The following SRRM4 variants were observed in gnomAD, a reference collection of about 807,000 sequenced individuals.
SRRM4 encodes serine/arginine repetitive matrix 4, also known as serine/arginine repetitive matrix protein 4.
A neutral mutation model predicts 68.9 loss-of-function variants in SRRM4; 33 were observed. The observed-to-expected ratio is 0.48, with a 90% CI of 0.36 to 0.64. The LOEUF is 0.64. SRRM4 is among the 30% of genes least tolerant of loss of function. SRRM4 has a pLI of 0.00. For missense variants in SRRM4, 817 were observed against 827.1 expected (o/e 0.99, Z 0.15); for synonymous variants, 318 against 318.8 (o/e 1.00, Z 0.03).
At chr12:119,077,853 G>A (rs1953925637) in intron 1 of SRRM4, among the ~76,000 whole-genome samples, 1 of 152,106 alleles carries the variant, frequency 6.6e-6, no homozygotes, top group African/African-American at 2.4e-5. Flanking sequence ...CAGACAATAA[G>A]AGTGATTTTA....
chr12:119,049,596 G>A (rs1953728485), intron 1 of SRRM4, among the ~76,000 whole-genome samples: 1 of 152,180 alleles, frequency 6.6e-6, no homozygotes, highest in Admixed American at 6.5e-5. Flanking sequence ...ATGAGATAAT[G>A]CATGTGGAGC....
Position 119,076,877 on chromosome 12 carries a change from G to C in SRRM4, c.132-25359G>C, listed in dbSNP as rs115276683. Among the ~76,000 whole-genome samples, 718 of 152,300 alleles carry C rather than the reference G, an allele frequency of 4.7e-3. 1 individual carries two copies. Among genetic ancestry groups the C allele is most frequent in the African/African-American group, 0.015 (624 of 41,576 alleles). On this transcript the variant is annotated intron_variant, in intron 1 of 12. Transcript: ENST00000267260. ...ATAACTTGTAGGAGGTGGGGGTTAGGAAAGAATTAAGAATTTTTAAAAACT... is the reference window on the plus strand; with the variant it reads ...ATAACTTGTAGGAGGTGGGGGTTAGCAAAGAATTAAGAATTTTTAAAAACT...
At chr12:119,067,887 A>G (rs1730341419) in intron 1 of SRRM4, among the ~76,000 whole-genome samples, 1 of 152,184 alleles carries the variant, frequency 6.6e-6, no homozygotes, top group South Asian at 2.1e-4. Context: ...AGTAAATTAG[A>G]TAATGCACAT....
At position 119,151,112 on chromosome 12, in the gene SRRM4, G is replaced by A. The variant is rs200067083; in HGVS notation, c.1172G>A (p.Arg391His). The change falls in exon 10 of 13, where the codon CGC becomes CAC. Residue 391 changes from arginine (R) to histidine (H), a missense_variant. Arg to His is a conservative substitution (Grantham distance 29). Transcript: ENST00000267260. ...ARSSPMKGCS[R>H]SSSYASTRSS... ...AGCTCACCCATGAAAGGGTGTTCCC[G>A]CAGCTCCTCCTATGCCAGCACCCGA... 2.9e-4 allele frequency: 465 copies of A among 1,613,948 alleles called. No individual in the cohort carries two copies. The highest frequency in any genetic ancestry group is 3.2e-4 in the Non-Finnish European group (377 of 1,179,874).
chr12:119,070,803 C>T (rs1953873503), intron 1 of SRRM4, among the ~76,000 whole-genome samples: 2 of 152,196 alleles, frequency 1.3e-5, no homozygotes, highest in Admixed American at 1.3e-4. Context: ...CTGACTGGGC[C>T]ATGCTTCCCT....
chr12:119,027,367 C>A lies in SRRM4; in HGVS notation c.131+45354C>A, dbSNP rs187158588. On this transcript the variant is annotated intron_variant, in intron 1 of 12. Coordinates refer to ENST00000267260, the MANE Select transcript of SRRM4 (RefSeq NM_194286.4). ...TTAAAGTCACAGAATGGGTAGGTGGCAGCGGAGGGACAAAATCCTAGTCTT... is the reference window on the plus strand; with the variant it reads ...TTAAAGTCACAGAATGGGTAGGTGGAAGCGGAGGGACAAAATCCTAGTCTT... Among the ~76,000 whole-genome samples the A allele has an allele frequency of 3.9e-5, 6 of 152,310 alleles. No homozygotes were observed. The East Asian group carries it at 1.2e-3, about 29-fold the overall frequency.
rs1386354862 is a variant in SRRM4 at position 119,159,165 on chromosome 12, A to C, written c.*2367A>C. The C allele has an allele frequency of 3.9e-5, 6 of 152,206 alleles. No homozygotes were observed. The highest frequency in any genetic ancestry group is 7.3e-5 in the Non-Finnish European group (5 of 68,114). 9.4% of individuals were successfully genotyped at this position (152,206 alleles called of 1,614,324 possible). A position where few individuals can be genotyped will look rare whatever the true frequency, so the allele number is the denominator to read the frequency against. On this transcript the variant is annotated 3_prime_UTR_variant, in exon 13 of 13. Transcript: ENST00000267260. ...TGGAACACCCTGGGGTTGGCCCAGA[A>C]GGAGGCACATCAGTCCCAAAATTCA...
chr12:119,073,309 C>CAT (rs764305297), intron 1 of SRRM4, among the ~76,000 whole-genome samples: 4 of 71,310 alleles, frequency 5.6e-5, no homozygotes, highest in African/African-American at 1.9e-4. Flanking sequence ...CTCTCTCTCT[C>CAT]CTCTTTTTTT....
intron 3 of SRRM4, among the ~76,000 whole-genome samples, chr12:119,114,623 G>T (rs1954165912): frequency 6.6e-6 from 1 of 151,364 alleles, no homozygotes; most frequent in African/African-American, 2.4e-5. Context: ...CACAGTACCT[G>T]GCACATGGTA....
At chr12:119,095,502 C>A (rs1954038103) in intron 1 of SRRM4, among the ~76,000 whole-genome samples, 1 of 152,134 alleles carries the variant, frequency 6.6e-6, no homozygotes, top group African/African-American at 2.4e-5. Flanking sequence ...AGGAGGTTCA[C>A]CATGCTGCTG....
chr12:119,134,005 G>A (rs911500945), intron 8 of SRRM4, among the ~76,000 whole-genome samples: 7 of 152,100 alleles, frequency 4.6e-5, no homozygotes, highest in Non-Finnish European at 1.0e-4. Flanking sequence ...AGCCAATGAA[G>A]GGGGAAAATA....
chr12:119,160,520 A>G lies in SRRM4; in HGVS notation c.*3722A>G, dbSNP rs949307656. 6.6e-6 allele frequency: 1 copy of G among 152,154 alleles called. No homozygotes were observed. The highest frequency in any genetic ancestry group is 2.4e-5 in the African/African-American group (1 of 41,442). 9.4% of individuals were successfully genotyped at this position (152,154 alleles called of 1,614,324 possible). A position where few individuals can be genotyped will look rare whatever the true frequency, so the allele number is the denominator to read the frequency against. ...AGGATGCTGCTCGTCGTGAGGATTT[A>G]TCTCAAAAACCAACATCCAAAATGG... On this transcript the variant is annotated 3_prime_UTR_variant, in exon 13 of 13. Transcript: ENST00000267260.
chr12:119,094,097 A>T (rs1163399069), intron 1 of SRRM4, among the ~76,000 whole-genome samples: 2 of 152,168 alleles, frequency 1.3e-5, no homozygotes, highest in Non-Finnish European at 2.9e-5. Flanking sequence ...TTATTGATAT[A>T]TAAGAGTGTT....
chr12:119,157,214 G>C lies in SRRM4; in HGVS notation c.*416G>C, dbSNP rs1954479995. The C allele has an allele frequency of 1.1e-5, 2 of 178,774 alleles. No individual in the cohort carries two copies. The highest frequency in any genetic ancestry group is 5.4e-5 in the Admixed American group (1 of 18,372). The allele number at this position is 178,774 out of a possible 1,614,324, so 11.1% of individuals were successfully genotyped here. A position where few individuals can be genotyped will look rare whatever the true frequency, so the allele number is the denominator to read the frequency against. On this transcript the variant is annotated 3_prime_UTR_variant, in exon 13 of 13. Coordinates refer to ENST00000267260, the MANE Select transcript of SRRM4 (RefSeq NM_194286.4). The surrounding 1 kb of genome is among the most constrained non-coding windows in gnomAD (Gnocchi z 4.1). The stretch of plus-strand genomic sequence containing the variant: ...CCCCACCTCCCCGGATGCCCCACTA[G>C]TCCAACTTCATGGCTGCACGTGGAT...
intron 7 of SRRM4, among the ~76,000 whole-genome samples, chr12:119,126,108 C>T (rs1954258195): frequency 6.9e-6 from 1 of 145,490 alleles, no homozygotes. Flanking sequence ...ACTGCAACCT[C>T]CACCTCCTGG....
intron 1 of SRRM4, among the ~76,000 whole-genome samples, chr12:119,075,752 ATGATGATGG>A (rs1953907556): frequency 1.4e-5 from 2 of 141,074 alleles, no homozygotes; most frequent in African/African-American, 5.4e-5. Flanking sequence ...GATGGTGGTA[ATGATGATGG>A]TGATGATGGT....
At position 119,130,707 on chromosome 12, in the gene SRRM4, A is replaced by G. The variant is rs1489536405; in HGVS notation, c.644A>G (p.Gln215Arg). 2 of 1,610,978 alleles carry G rather than the reference A, an allele frequency of 1.2e-6. No individual in the cohort carries two copies. Among genetic ancestry groups the G allele is most frequent in the Admixed American group, 1.7e-5 (1 of 59,974 alleles). Residue 215 changes from glutamine (Q) to arginine (R), a missense_variant, in exon 8 of 13, where the codon CAG becomes CGG. By Grantham distance (43) the Gln-to-Arg change is conservative (BLOSUM62 1). Coordinates refer to ENST00000267260, the MANE Select transcript of SRRM4 (RefSeq NM_194286.4). ...CGCGGCCGGTCCCCTGAGGAAGGGC[A>G]GAAGTCCCGCCGAAGGCACTCCCGC... is the stretch of plus-strand genomic sequence containing the variant. ...RHRGRSPEEGQKSRRRHSRRC... is the reference protein window; with the variant it reads ...RHRGRSPEEGRKSRRRHSRRC...
At chr12:119,137,864 A>G (rs548363619) in intron 8 of SRRM4, among the ~76,000 whole-genome samples, 24 of 152,186 alleles carry the variant, frequency 1.6e-4, no homozygotes, top group Non-Finnish European at 3.2e-4. Flanking sequence ...TTTCATTGAC[A>G]AAAGTCCAAG....
At chr12:119,037,462 TG>T (rs1444406812) in intron 1 of SRRM4, among the ~76,000 whole-genome samples, 1 of 152,192 alleles carries the variant, frequency 6.6e-6, no homozygotes, top group Non-Finnish European at 1.5e-5. Context: ...TTTTTATGGA[TG>T]CCTGTAAGCC....
Sources: allele counts gnomAD v4.1 joint callset (sites outside exome capture counted in the v4.1 genomes callset), GRCh38; gene constraint gnomAD v4.1.1; non-coding constraint Gnocchi (gnomAD v3.1); transcripts MANE v1.5; gene names NCBI Gene and HGNC (gene_info 2026-07-23, HGNC 2026-07-21).